EFCAB5: variants seen among roughly 807,000 people sequenced by gnomAD.
EFCAB5 encodes the protein EF-hand calcium-binding domain-containing protein 5.
Under a neutral mutation model 167.9 loss-of-function variants are expected in EFCAB5, and 131 were observed. The observed-to-expected ratio is 0.78, with a 90% CI of 0.68 to 0.90. EFCAB5 has a LOEUF of 0.90. Ranked by LOEUF, EFCAB5 falls within the 40% of genes least tolerant of loss-of-function variation. EFCAB5 has a pLI of 0.00. For missense variants in EFCAB5, 1,663 were observed against 1,745.2 expected, an observed-to-expected ratio of 0.95 and a Z score of 0.84; for synonymous variants, 574 against 602.8, an observed-to-expected ratio of 0.95 and a Z score of 0.70.
At chr17:29,941,507 T>A, upstream of EFCAB5, 1 of 225,500 alleles carries the variant, frequency 4.4e-6, no homozygotes, top group Non-Finnish European at 8.5e-6. Context: ...CTGTATTTTT[T>A]TTTTAATGAT....
intron 3 of EFCAB5, among the ~76,000 whole-genome samples, chr17:29,944,184 T>G (rs1002134909): frequency 6.6e-6 from 1 of 152,078 alleles, no homozygotes; most frequent in Non-Finnish European, 1.5e-5. Flanking sequence ...CAAGTGATCC[T>G]CCTATCTCAG....
intron 7 of EFCAB5, chr17:30,031,684 G>C (rs145621447): frequency 1.3e-5 from 2 of 152,264 alleles, no homozygotes; most frequent in African/African-American, 4.8e-5. Context: ...TTGTTCCCAT[G>C]GTAACAGCTA....
chr17:30,053,920 T>G lies in EFCAB5; in HGVS notation c.1966T>G (p.Tyr656Asp). The change falls in exon 10 of 23, where the codon TAT (tyrosine) becomes GAT (aspartate). Residue 656 changes from tyrosine to aspartate, a missense_variant. Transcript: ENST00000394835. ...ATACCAAAAATCAGAACAAGGACCT[T>G]ATGGAGAGATAATTTCAGAAGAGCA... ...EPYQKSEQGP[Y>D]GEIISEEQED... is the part of the protein sequence containing the mutation. 1 of 1,613,892 alleles carries G rather than the reference T, an allele frequency of 6.2e-7. No homozygotes were observed. The highest frequency in any genetic ancestry group is 8.5e-7 in the Non-Finnish European group (1 of 1,179,872).
In EFCAB5 at chr17:30,021,323, C is replaced by T. The variant is rs890012528; in HGVS notation, c.1045-12907C>T. 1.6e-4 allele frequency among the ~76,000 whole-genome samples: 24 copies of T among 146,996 alleles called. No individual in the cohort carries two copies. The East Asian group carries it at 4.5e-3, about 28-fold the overall frequency. On this transcript the variant is annotated intron_variant, in intron 7 of 22. Coordinates refer to ENST00000394835, the MANE Select transcript of EFCAB5 (RefSeq NM_198529.4). ...TTTGTGTCATTTTTTATATATATAA[C>T]ATATAAATATTTAATAAATATGGTA...
intron 4 of EFCAB5, among the ~76,000 whole-genome samples, chr17:29,980,030 A>C (rs1378151712): frequency 6.6e-6 from 1 of 152,128 alleles, no homozygotes. Context: ...TTAGCTGGGC[A>C]TGGTGGTGCA....
rs937997106 is a variant in EFCAB5 at position 30,090,343 on chromosome 17, T to G, written c.3684-78T>G. On this transcript the variant is annotated intron_variant, in intron 19 of 22. Transcript: ENST00000394835. ...TGGAAGTGAGGTAGGCACAAGAGAG[T>G]AATTCAATATGTTTTGGTGGAATGA... 15 of 1,531,186 alleles carry G rather than the reference T, an allele frequency of 9.8e-6. No homozygotes were observed. The African/African-American group carries it at 2.1e-4, about 21-fold the overall frequency. 94.8% of individuals were successfully genotyped at this position (1,531,186 alleles called of 1,614,324 possible).
intron 14 of EFCAB5, 33 bp from the exon 15 acceptor site, chr17:30,078,182 G>T (rs776588669): frequency 1.1e-5 from 18 of 1,570,852 alleles, no homozygotes; most frequent in Non-Finnish European, 1.5e-5. Flanking sequence ...TGAACTTTTG[G>T]TTAGTTCTTG....
chr17:29,954,920 C>T (rs1179322387), intron 3 of EFCAB5, among the ~76,000 whole-genome samples: 4 of 152,198 alleles, frequency 2.6e-5, no homozygotes, highest in African/African-American at 9.7e-5. Context: ...CAAACGAGAT[C>T]ATTTCAGAGA....
rs554932685 is a variant in EFCAB5, at chr17:29,960,682, G to T, written c.191-8109G>T. ...TTGTTTACCCATTCATCTGTGAATG[G>T]ATGCTTGAGTTGTTTCCACTTTTAC... On this transcript the variant is annotated intron_variant, in intron 3 of 22. Transcript: ENST00000394835. Among the ~76,000 whole-genome samples, 13 of 152,076 alleles carry T rather than the reference G, an allele frequency of 8.5e-5. No homozygotes were observed. In the East Asian group the frequency reaches 2.3e-3, roughly 27 times the overall value.
intron 22 of EFCAB5, among the ~76,000 whole-genome samples, chr17:30,104,345 G>A (rs2151861814): frequency 6.6e-6 from 1 of 152,268 alleles, no homozygotes; most frequent in South Asian, 2.1e-4. Flanking sequence ...ATCCATAAAT[G>A]GAGTTTTAAT....
At chr17:30,075,934 G>T (rs1259586242) in intron 14 of EFCAB5, among the ~76,000 whole-genome samples, 1 of 152,208 alleles carries the variant, frequency 6.6e-6, no homozygotes, top group African/African-American at 2.4e-5. Flanking sequence ...AATCCACAAG[G>T]CACTTTTAAT....
At chr17:29,961,762 T>A (rs768097022) in intron 3 of EFCAB5, among the ~76,000 whole-genome samples, 4 of 152,174 alleles carry the variant, frequency 2.6e-5, no homozygotes, top group Non-Finnish European at 2.9e-5. Flanking sequence ...CTAATTTGTT[T>A]TTTTAATTTT....
At chr17:29,962,495 G>A (rs2067739463) in intron 3 of EFCAB5, among the ~76,000 whole-genome samples, 1 of 151,666 alleles carries the variant, frequency 6.6e-6, no homozygotes, top group Non-Finnish European at 1.5e-5. Flanking sequence ...TTTAGAGATA[G>A]GGTCTCACTC....
intron 7 of EFCAB5, among the ~76,000 whole-genome samples, chr17:30,019,092 C>T (rs1277148810): frequency 6.6e-6 from 1 of 152,106 alleles, no homozygotes; most frequent in African/African-American, 2.4e-5. Flanking sequence ...CTTCTGATTC[C>T]TCCTGTTAGA....
intron 3 of EFCAB5, among the ~76,000 whole-genome samples, chr17:29,948,118 G>A (rs1271838199): frequency 3.3e-5 from 5 of 152,252 alleles, no homozygotes; most frequent in Middle Eastern, 3.4e-3. Flanking sequence ...GAGCCACCGC[G>A]CCTGGCCTAA....
intron 4 of EFCAB5, among the ~76,000 whole-genome samples, chr17:29,978,411 A>G (rs1455760180): frequency 2.0e-4 from 31 of 152,238 alleles, no homozygotes. Flanking sequence ...ATGATAATTT[A>G]TGTACACTGA....
intron 4 of EFCAB5, among the ~76,000 whole-genome samples, chr17:29,984,159 A>G (rs1436539747): frequency 6.6e-6 from 1 of 151,932 alleles, no homozygotes; most frequent in Non-Finnish European, 1.5e-5. Flanking sequence ...GAATAATGCA[A>G]AAGAGCTGGG....
rs187864590 is a variant in EFCAB5, at chr17:30,093,314, G to A, written c.4321+378G>A. On this transcript the variant is annotated intron_variant, in intron 22 of 22. Coordinates refer to ENST00000394835, the MANE Select transcript of EFCAB5 (RefSeq NM_198529.4). ...AGAATCACCAAGAATGGAGAGCAGC[G>A]AGGCTCTCAGGTTGGAGAAGACGAT... Among the ~76,000 whole-genome samples, 43 of 152,230 alleles carry A rather than the reference G, an allele frequency of 2.8e-4. No individual in the cohort carries two copies. The East Asian group carries it at 7.7e-3, about 27-fold the overall frequency.
intron 3 of EFCAB5, among the ~76,000 whole-genome samples, chr17:29,955,412 G>A (rs759775146): frequency 2.6e-5 from 4 of 152,118 alleles, no homozygotes; most frequent in Non-Finnish European, 4.4e-5. Context: ...TTTTATAAAG[G>A]GGAGTTCCCC....
Sources: allele counts gnomAD v4.1 joint callset (sites outside exome capture counted in the v4.1 genomes callset), GRCh38; gene constraint gnomAD v4.1.1; transcripts MANE v1.5; gene names NCBI Gene and HGNC (gene_info 2026-07-23, HGNC 2026-07-21).